The following AGBL1 variants were observed in gnomAD, a reference collection of about 807,000 sequenced individuals.
The protein encoded by AGBL1 is AGBL carboxypeptidase 1.
AGBL1 carries 130 observed loss-of-function variants against 118.9 expected under a neutral mutation model. The ratio of observed to expected loss-of-function variants is 1.09; its 90% CI spans 0.95 to 1.26. AGBL1 has a LOEUF of 1.26. Among genes scored for constraint, AGBL1 ranks in the 50% most tolerant of loss-of-function variants. The pLI is 0.00. For missense variants in AGBL1, 1,584 were observed against 1,298.1 expected, an observed-to-expected ratio of 1.22 and a Z score of -3.38; for synonymous variants, 555 against 478.9, an observed-to-expected ratio of 1.16 and a Z score of -2.08.
intron 17 of AGBL1, among the ~76,000 whole-genome samples, chr15:86,315,913 G>A (rs969138266): frequency 6.6e-6 from 1 of 152,086 alleles, no homozygotes; most frequent in African/African-American, 2.4e-5. Flanking sequence ...CAGAGGGGAG[G>A]AAATAGCAAG....
At chr15:86,248,102 A>C (rs1466185884) in intron 7 of AGBL1, among the ~76,000 whole-genome samples, 1 of 152,200 alleles carries the variant, frequency 6.6e-6, no homozygotes, top group Non-Finnish European at 1.5e-5. Flanking sequence ...TGATCACCTG[A>C]AGTCAGGAGT....
intron 22 of AGBL1, among the ~76,000 whole-genome samples, chr15:86,904,042 G>A (rs993434147): frequency 2.0e-5 from 3 of 150,596 alleles, no homozygotes; most frequent in Admixed American, 6.6e-5. Flanking sequence ...GGTGGGGATG[G>A]GGGTGGGACT....
intron 17 of AGBL1, among the ~76,000 whole-genome samples, chr15:86,340,609 C>T (rs1278462791): frequency 4.6e-5 from 7 of 152,092 alleles, no homozygotes; most frequent in Admixed American, 3.3e-4. Flanking sequence ...CCTGAAAGCA[C>T]GTTGATTTTG....
rs1009613996 is a variant in AGBL1 at position 86,255,441 on chromosome 15, G to A, written c.736-1412G>A. Among the ~76,000 whole-genome samples, 10 of 152,294 alleles carry A rather than the reference G, an allele frequency of 6.6e-5. 1 individual carries two copies. In the Middle Eastern group the frequency reaches 0.027, roughly 414 times the overall value. On this transcript the variant is annotated intron_variant, in intron 7 of 22. Transcript: ENST00000614907. ...ATGGGTATGACTGGCACACACTGAAGGAGAGAGAGCACTCTTGATTGCATT... is the reference window on the plus strand; with the variant it reads ...ATGGGTATGACTGGCACACACTGAAAGAGAGAGAGCACTCTTGATTGCATT...
intron 22 of AGBL1, among the ~76,000 whole-genome samples, chr15:86,747,460 C>G (rs1263559578): frequency 6.6e-6 from 1 of 152,048 alleles, no homozygotes; most frequent in Non-Finnish European, 1.5e-5. Context: ...AGTGAAATTT[C>G]TTGCCAAAGG....
chr15:86,980,637 A>T (rs2081222719), intron 23 of AGBL1, among the ~76,000 whole-genome samples: 1 of 152,182 alleles, frequency 6.6e-6, no homozygotes, highest in Non-Finnish European at 1.5e-5. Context: ...CATTTGTCTC[A>T]AAAATGGACA....
chr15:86,906,387 T>G (rs2080280227), intron 22 of AGBL1, among the ~76,000 whole-genome samples: 1 of 152,230 alleles, frequency 6.6e-6, no homozygotes, highest in African/African-American at 2.4e-5. Flanking sequence ...ATCTTCCATT[T>G]GTTAATAAAC....
intron 22 of AGBL1, among the ~76,000 whole-genome samples, chr15:86,872,456 A>G (rs2079743364): frequency 6.6e-6 from 1 of 152,176 alleles, no homozygotes. Flanking sequence ...AGAAAAATCT[A>G]AAAATATAGA....
intron 22 of AGBL1, among the ~76,000 whole-genome samples, chr15:86,773,927 T>C (rs2078216616): frequency 6.6e-6 from 1 of 152,060 alleles, no homozygotes; most frequent in East Asian, 1.9e-4. Flanking sequence ...CCATGGGAAA[T>C]GAATAGGCTG....
At chr15:86,252,116 A>G (rs567401306) in intron 7 of AGBL1, among the ~76,000 whole-genome samples, 9 of 152,322 alleles carry the variant, frequency 5.9e-5, no homozygotes, top group African/African-American at 2.2e-4. Context: ...TGCATTTCTA[A>G]CGAGTTCTCA....
chr15:86,866,833 G>A (rs1319005018), intron 22 of AGBL1, among the ~76,000 whole-genome samples: 3 of 152,214 alleles, frequency 2.0e-5, no homozygotes, highest in Non-Finnish European at 2.9e-5. Flanking sequence ...TCAAGCATTT[G>A]TTAAATAGAA....
At chr15:86,100,888 T>C (rs1304073385) in intron 1 of AGBL1, among the ~76,000 whole-genome samples, 1 of 152,138 alleles carries the variant, frequency 6.6e-6, no homozygotes, top group Non-Finnish European at 1.5e-5. Flanking sequence ...CTGATCTTTA[T>C]TAGTCATTTC....
rs542995462 is a variant in AGBL1, at chr15:86,493,744, C to T, written c.2556-29066C>T. Among the ~76,000 whole-genome samples, 5 of 152,214 alleles carry T rather than the reference C, an allele frequency of 3.3e-5. No individual in the cohort carries two copies. The South Asian group carries it at 1.0e-3, about 32-fold the overall frequency. The stretch of plus-strand genomic sequence containing the variant: ...TTCACTTGTCCCTGCAAAACACACA[C>T]AGACACATCTCTAAACATCATCGAC... On this transcript the variant is annotated intron_variant, in intron 18 of 22. Transcript: ENST00000614907.
intron 1 of AGBL1, among the ~76,000 whole-genome samples, chr15:86,141,650 T>G (rs1396876858): frequency 6.6e-6 from 1 of 152,150 alleles, no homozygotes; most frequent in Non-Finnish European, 1.5e-5. Context: ...GACTTCATCT[T>G]AAATAAAAAT....
chr15:86,233,033 A>G (rs1015063255), intron 6 of AGBL1, among the ~76,000 whole-genome samples: 10 of 152,206 alleles, frequency 6.6e-5, no homozygotes, highest in African/African-American at 1.9e-4. Context: ...TAATATTATG[A>G]TCCCCATTTT....
chr15:86,815,151 C>T (rs1317700681), intron 22 of AGBL1, among the ~76,000 whole-genome samples: 4 of 152,086 alleles, frequency 2.6e-5, no homozygotes, highest in African/African-American at 9.7e-5. Context: ...GACTGAGGAA[C>T]TGGCTTATGC....
At chr15:86,642,030 AGAGTAGACTAGT>A (rs955875615) in intron 21 of AGBL1, among the ~76,000 whole-genome samples, 3 of 152,304 alleles carry the variant, frequency 2.0e-5, no homozygotes, top group African/African-American at 7.2e-5. Flanking sequence ...GAAAAGTGTA[AGAGTAGACTAGT>A]CATACTTATA....
chr15:86,825,804 A>G (rs541010719), intron 22 of AGBL1, among the ~76,000 whole-genome samples: 2 of 151,736 alleles, frequency 1.3e-5, no homozygotes, highest in Admixed American at 6.6e-5. Context: ...TTTTTAAGTG[A>G]TAGCACTAAA....
At chr15:86,916,666 T>C (rs1487608010), downstream of AGBL1, among the ~76,000 whole-genome samples, 2 of 152,114 alleles carry the variant, frequency 1.3e-5, no homozygotes, top group Non-Finnish European at 2.9e-5. Context: ...TTCCTCTGGG[T>C]CTCAGTTTCT....
Sources: gnomAD v4.1 joint callset for allele counts (sites outside exome capture counted in the v4.1 genomes callset) on GRCh38, gnomAD v4.1.1 for gene constraint, MANE v1.5 for transcripts, NCBI Gene and HGNC (gene_info 2026-07-23, HGNC 2026-07-21) for gene names.